GINS1: variants seen among roughly 807,000 people sequenced by gnomAD.
The protein encoded by GINS1 is DNA replication complex GINS protein PSF1.
GINS1 carries 26 observed loss-of-function variants against 34.9 expected under a neutral mutation model. The ratio of observed to expected loss-of-function variants is 0.74; its 90% confidence interval spans 0.55 to 1.03. GINS1 has a LOEUF of 1.03. GINS1 is among the 50% of genes least tolerant of loss of function. The pLI, the probability that GINS1 is intolerant of heterozygous loss-of-function variation, is 0.00. For missense variants in GINS1, 235 were observed against 237.9 expected (o/e 0.99, Z 0.08); for synonymous variants, 97 against 84.4 (o/e 1.15, Z -0.82).
intron 6 of GINS1, among the ~76,000 whole-genome samples, chr20:25,445,710 C>T (rs189995962): frequency 2.0e-5 from 3 of 152,198 alleles, no homozygotes; most frequent in East Asian, 1.9e-4. Context: ...CTTGAACCCC[C>T]GACCTCAGGT....
chr20:25,407,756 C>T lies in GINS1; in HGVS notation c.-65C>T. On this transcript the variant is annotated 5_prime_UTR_variant, in exon 1 of 7. Coordinates refer to ENST00000262460, the MANE Select transcript of GINS1 (RefSeq NM_021067.5). ...AACGAAAGGAGTGAGGCGCCGAGAG[C>T]CCAGATACCATTTTGGCGTGAGAGC... 1 of 1,242,272 alleles carries T rather than the reference C, an allele frequency of 8.0e-7. No homozygotes were observed. Among genetic ancestry groups the T allele is most frequent in the Non-Finnish European group, 1.2e-6 (1 of 845,124 alleles). 77.0% of individuals were successfully genotyped at this position (1,242,272 alleles called of 1,614,324 possible).
intron 6 of GINS1, among the ~76,000 whole-genome samples, chr20:25,445,387 C>T (rs2090505926): frequency 6.7e-6 from 1 of 149,350 alleles, no homozygotes; most frequent in African/African-American, 2.5e-5. Context: ...CACTCTGTTG[C>T]CCAAGCTGGA....
intron 5 of GINS1, among the ~76,000 whole-genome samples, chr20:25,429,094 T>C (rs1235621927): frequency 1.3e-5 from 2 of 150,946 alleles, no homozygotes; most frequent in Admixed American, 6.6e-5. Flanking sequence ...GTTCAAGTGA[T>C]TCTCCTTTCT....
At position 25,418,244 on chromosome 20, in the gene GINS1, T is replaced by C. The variant is rs760241271; in HGVS notation, c.330+49T>C. 31 of 1,017,504 alleles carry C rather than the reference T, an allele frequency of 3.0e-5. No homozygotes were observed. In the Middle Eastern group the frequency reaches 8.2e-4, roughly 27 times the overall value. 63.0% of individuals were successfully genotyped at this position (1,017,504 alleles called of 1,614,324 possible). A position where few individuals can be genotyped will look rare whatever the true frequency, so the allele number is the denominator to read the frequency against. ...ATAAATTTTGAAAATGCTAAAGTTCTGGCATTGTTCTATAATAGTGTTTAT... is the reference window on the plus strand; with the variant it reads ...ATAAATTTTGAAAATGCTAAAGTTCCGGCATTGTTCTATAATAGTGTTTAT... On this transcript the variant is annotated intron_variant, in intron 4 of 6. Transcript: ENST00000262460.
intron 4 of GINS1, among the ~76,000 whole-genome samples, chr20:25,419,312 C>T (rs1165001712): frequency 6.6e-6 from 1 of 150,838 alleles, no homozygotes; most frequent in African/African-American, 2.4e-5. Context: ...AACAAACCTG[C>T]ACGTTCAGCA....
At chr20:25,417,968 C>CA in intron 3 of GINS1, 137 bp from the exon 4 acceptor site, 1 of 677,706 alleles carries the variant, frequency 1.5e-6, no homozygotes, top group Non-Finnish European at 2.7e-6. Flanking sequence ...GGTCGACTCT[C>CA]AGACTGTGTT....
At chr20:25,408,318 A>G (rs2090260702) in intron 1 of GINS1, among the ~76,000 whole-genome samples, 1 of 152,160 alleles carries the variant, frequency 6.6e-6, no homozygotes, top group South Asian at 2.1e-4. Flanking sequence ...CTCATACGCA[A>G]AAATGGGGAT....
chr20:25,445,560 G>T (rs538270446), intron 6 of GINS1, among the ~76,000 whole-genome samples: 11 of 152,292 alleles, frequency 7.2e-5, no homozygotes, highest in Non-Finnish European at 1.6e-4. Context: ...TGTTAGCCAG[G>T]ATGGTCTTGA....
intron 5 of GINS1, among the ~76,000 whole-genome samples, chr20:25,430,073 C>T (rs1388112131): frequency 2.0e-5 from 3 of 152,182 alleles, no homozygotes; most frequent in Non-Finnish European, 4.4e-5. Context: ...CCATCACGCC[C>T]AGCTAATTTT....
chr20:25,414,771 A>G (rs1007012230), intron 2 of GINS1, among the ~76,000 whole-genome samples: 2 of 152,236 alleles, frequency 1.3e-5, no homozygotes, highest in African/African-American at 4.8e-5. Context: ...TATTTTTATC[A>G]ACAGTTGCCT....
chr20:25,426,680 C>T (rs867678090), intron 5 of GINS1, among the ~76,000 whole-genome samples: 2 of 151,884 alleles, frequency 1.3e-5, no homozygotes, highest in Middle Eastern at 3.4e-3. Context: ...CATGTGCCAC[C>T]ACCCCTGGCT....
chr20:25,420,781 C>CAAA (rs10540213), intron 4 of GINS1: 4 of 618,642 alleles, frequency 6.5e-6, no homozygotes, highest in Non-Finnish European at 5.9e-6. Context: ...GACCCTGTCT[C>CAAA]AAAAAAAAAA....
In GINS1 at chr20:25,447,503, T is replaced by A. The variant is rs1166389495; in HGVS notation, c.*1512T>A. ...TAAAAAGTAGTTGTCAATGTATATG[T>A]GGGTTTATTTCAGGACTCTGTTTTG... On this transcript the variant is annotated 3_prime_UTR_variant, in exon 7 of 7. Coordinates refer to ENST00000262460, the MANE Select transcript of GINS1 (RefSeq NM_021067.5). 2 of 152,258 alleles carry A rather than the reference T, an allele frequency of 1.3e-5. No individual in the cohort carries two copies. The highest frequency in any genetic ancestry group is 4.8e-5 in the African/African-American group (2 of 41,462). The allele number at this position is 152,258 out of a possible 1,614,324, so 9.4% of individuals were successfully genotyped here. A position where few individuals can be genotyped will look rare whatever the true frequency, so the allele number is the denominator to read the frequency against.
intron 4 of GINS1, among the ~76,000 whole-genome samples, chr20:25,418,910 T>C (rs890716509): frequency 1.3e-5 from 2 of 152,188 alleles, no homozygotes; most frequent in African/African-American, 2.4e-5. Context: ...CCCAATACTT[T>C]AATCACATGG....
rs760801869 is a variant in GINS1 at position 25,417,151 on chromosome 20, A to G, written c.188A>G (p.Lys63Arg). 3.8e-6 allele frequency: 6 copies of G among 1,599,864 alleles called. No homozygotes were observed. Among genetic ancestry groups the G allele is most frequent in the Non-Finnish European group, 5.1e-6 (6 of 1,167,700 alleles). ...CGAAGTGATTTGATACCAACTATCA[A>G]ATTTCGACACTGTTCTCTGTTAAGA... is the stretch of plus-strand genomic sequence containing the variant. ...GGRSDLIPTI[K>R]FRHCSLLRNR... Residue 63 changes from lysine to arginine, a missense_variant, in exon 3 of 7, where the codon AAA (lysine) becomes AGA (arginine). Physicochemically the swap from Lys to Arg is conservative, Grantham distance 26 (BLOSUM62 2). Transcript: ENST00000262460.
intron 5 of GINS1, among the ~76,000 whole-genome samples, chr20:25,427,332 G>A (rs2090397285): frequency 6.6e-6 from 1 of 151,786 alleles, no homozygotes; most frequent in African/African-American, 2.4e-5. Context: ...CAAGTAGCTG[G>A]GATTACAGGT....
intron 5 of GINS1, among the ~76,000 whole-genome samples, chr20:25,437,711 C>T (rs2090461303): frequency 6.6e-6 from 1 of 152,152 alleles, no homozygotes; most frequent in Non-Finnish European, 1.5e-5. Flanking sequence ...GAGTTCTTAA[C>T]CTGTTTTTAC....
chr20:25,407,791 GC>G lies in GINS1; in HGVS notation c.-29del. The G allele has an allele frequency of 6.3e-7, 1 of 1,595,960 alleles. No homozygotes were observed. Among genetic ancestry groups the G allele is most frequent in the Non-Finnish European group, 8.6e-7 (1 of 1,163,936 alleles). ...ATTTTGGCGTGAGAGCTGGTGGTTG[GC>G]AAGGCCGCGGGAGTGGGAAGCGTCC... On this transcript the variant is annotated 5_prime_UTR_variant, in exon 1 of 7. Transcript: ENST00000262460.
At chr20:25,442,047 G>A (rs2090484820) in intron 6 of GINS1, among the ~76,000 whole-genome samples, 1 of 152,090 alleles carries the variant, frequency 6.6e-6, no homozygotes, top group Admixed American at 6.6e-5. Flanking sequence ...GCCTTATTCT[G>A]GGTAAGTGAT....
Sources: gnomAD v4.1 joint callset for allele counts (sites outside exome capture counted in the v4.1 genomes callset) on GRCh38, gnomAD v4.1.1 for gene constraint, MANE v1.5 for transcripts, NCBI Gene and HGNC (gene_info 2026-07-23, HGNC 2026-07-21) for gene names.